AAGAB: variants seen among roughly 807,000 people sequenced by gnomAD.
AAGAB encodes the protein alpha and gamma adaptin binding protein, also known as alpha- and gamma-adaptin-binding protein p34.
Under a neutral mutation model 44.1 loss-of-function variants are expected in AAGAB, and 38 were observed. That is an observed-to-expected ratio of 0.86 (90% CI 0.67 to 1.13). The LOEUF (loss-of-function observed/expected upper bound fraction) is 1.13, where lower values mean the gene tolerates loss of function less well. Ranked by LOEUF, AAGAB falls within the 50% of genes most tolerant of loss-of-function variation. The pLI is 0.00. For missense variants in AAGAB, 450 were observed against 373.8 expected (o/e 1.20, Z -1.68); for synonymous variants, 131 against 131.8 (o/e 0.99, Z 0.04).
At chr15:67,215,134 T>C (rs755058086) in intron 5 of AAGAB, among the ~76,000 whole-genome samples, 1 of 152,222 alleles carries the variant, frequency 6.6e-6, no homozygotes. Context: ...TTGTCCTTAC[T>C]ATTCAAGTGG....
chr15:67,232,777 G>A (rs1964370964), intron 4 of AAGAB: 2 of 221,592 alleles, frequency 9.0e-6, no homozygotes, highest in African/African-American at 4.6e-5. Context: ...TGTAAGAACG[G>A]CATGAAGAAG....
chr15:67,223,591 A>C (rs1964133585), intron 5 of AAGAB, among the ~76,000 whole-genome samples: 1 of 152,074 alleles, frequency 6.6e-6, no homozygotes, highest in Non-Finnish European at 1.5e-5. Context: ...ACTCTCTTTC[A>C]TTTGGAATAT....
intron 1 of AAGAB, among the ~76,000 whole-genome samples, chr15:67,249,861 ACCTT>A (rs1243373592): frequency 6.6e-6 from 1 of 152,214 alleles, no homozygotes; most frequent in Non-Finnish European, 1.5e-5. Flanking sequence ...GACACAACCT[ACCTT>A]CACAGGGATA....
intron 5 of AAGAB, among the ~76,000 whole-genome samples, chr15:67,221,732 A>G (rs1471841188): frequency 6.6e-6 from 1 of 152,202 alleles, no homozygotes; most frequent in Non-Finnish European, 1.5e-5. Context: ...AATCATTCCT[A>G]AAATCTCTGA....
chr15:67,213,348 A>AT (rs568469620), intron 5 of AAGAB, among the ~76,000 whole-genome samples: 16 of 152,180 alleles, frequency 1.1e-4, no homozygotes, highest in South Asian at 4.1e-4. Flanking sequence ...CCTTGGGATG[A>AT]TTTTTTTTAA....
rs1011806051 is a variant in AAGAB at position 67,240,170 on chromosome 15, G to A, written c.74-3350C>T. Reference sequence around the variant, plus strand: ...CCAGAATAGGGGCACAATTATATACGGATCTGCAGCACAATTAACCCATCA... The same window carrying A: ...CCAGAATAGGGGCACAATTATATACAGATCTGCAGCACAATTAACCCATCA... On this transcript the variant is annotated intron_variant, in intron 1 of 9. Transcript: ENST00000261880. Among the ~76,000 whole-genome samples, 4 of 152,158 alleles carry A rather than the reference G, an allele frequency of 2.6e-5. No homozygotes were observed. The East Asian group carries it at 5.8e-4, about 22-fold the overall frequency.
rs1963615215 is a variant in AAGAB, at chr15:67,203,528, T to C, written c.870+20A>G. The C allele has an allele frequency of 6.2e-7, 1 of 1,610,842 alleles. No homozygotes were observed. The highest frequency in any genetic ancestry group is 8.5e-7 in the Non-Finnish European group (1 of 1,177,774). On this transcript the variant is annotated intron_variant, in intron 9 of 9. Transcript: ENST00000261880. ...GGACCTTTTATAGGTATTCAATAAA[T>C]ACCTGGCTGATTGTCTCACCTTTTC...
At chr15:67,204,345 A>G (rs1233139405) in intron 7 of AAGAB, among the ~76,000 whole-genome samples, 197 bp from the exon 8 acceptor site, 1 of 152,120 alleles carries the variant, frequency 6.6e-6, no homozygotes, top group Non-Finnish European at 1.5e-5. Context: ...TTTTATCCTC[A>G]CAACATCGTC....
chr15:67,210,454 T>A (rs867850967), intron 5 of AAGAB, among the ~76,000 whole-genome samples: 1 of 150,720 alleles, frequency 6.6e-6, no homozygotes, highest in African/African-American at 2.4e-5. Context: ...AGGCAGAGGT[T>A]GCAGTGATCT....
intron 1 of AAGAB, among the ~76,000 whole-genome samples, chr15:67,238,840 C>T (rs1416074082): frequency 6.6e-6 from 1 of 152,094 alleles, no homozygotes; most frequent in Admixed American, 6.5e-5. Flanking sequence ...GGACTACAGG[C>T]ACCCGCCACC....
chr15:67,252,677 G>T (rs60507900), intron 1 of AAGAB, among the ~76,000 whole-genome samples: 1 of 152,164 alleles, frequency 6.6e-6, no homozygotes, highest in African/African-American at 2.4e-5. Flanking sequence ...AAAGAAGGAA[G>T]AAAGGAGGGA....
chr15:67,224,331 C>T (rs1002915055), intron 5 of AAGAB, among the ~76,000 whole-genome samples: 3 of 152,178 alleles, frequency 2.0e-5, no homozygotes, highest in Non-Finnish European at 2.9e-5. Context: ...GGCCCAGATA[C>T]ACTCAGCACC....
chr15:67,231,172 A>G (rs1481884312), intron 5 of AAGAB, among the ~76,000 whole-genome samples: 1 of 152,076 alleles, frequency 6.6e-6, no homozygotes, highest in African/African-American at 2.4e-5. Context: ...CCCAAGTAGC[A>G]GGGACCACAG....
chr15:67,238,976 T>C (rs1371686813), intron 1 of AAGAB, among the ~76,000 whole-genome samples: 1 of 152,180 alleles, frequency 6.6e-6, no homozygotes, highest in South Asian at 2.1e-4. Flanking sequence ...ATTACAGGCA[T>C]GAGCCACCAT....
At chr15:67,249,021 A>C (rs1360033549) in intron 1 of AAGAB, among the ~76,000 whole-genome samples, 6 of 152,226 alleles carry the variant, frequency 3.9e-5, no homozygotes, top group Admixed American at 2.0e-4. Flanking sequence ...CATAAAAATA[A>C]GTAACATAAT....
At chr15:67,252,417 T>C (rs1396930911) in intron 1 of AAGAB, among the ~76,000 whole-genome samples, 1 of 152,212 alleles carries the variant, frequency 6.6e-6, no homozygotes, top group Non-Finnish European at 1.5e-5. Context: ...TAATTTTTGA[T>C]AAATCTGAGG....
intron 1 of AAGAB, among the ~76,000 whole-genome samples, chr15:67,247,170 G>A (rs1964746638): frequency 6.6e-6 from 1 of 152,104 alleles, no homozygotes; most frequent in Non-Finnish European, 1.5e-5. Context: ...CCTGAAGTCA[G>A]CGAGACCACG....
intron 1 of AAGAB, among the ~76,000 whole-genome samples, chr15:67,244,863 C>G (rs1596015570): frequency 6.6e-6 from 1 of 151,070 alleles, no homozygotes; most frequent in East Asian, 1.9e-4. Flanking sequence ...AGACATTTCA[C>G]CAAAGAAGAT....
At chr15:67,237,300 G>A (rs536947434) in intron 1 of AAGAB, among the ~76,000 whole-genome samples, 1 of 152,278 alleles carries the variant, frequency 6.6e-6, no homozygotes, top group Admixed American at 6.5e-5. Flanking sequence ...TTCTTGGACT[G>A]AATGCTTAGA....
Sources: allele counts gnomAD v4.1 joint callset (sites outside exome capture counted in the v4.1 genomes callset), GRCh38; gene constraint gnomAD v4.1.1; transcripts MANE v1.5; gene names NCBI Gene and HGNC (gene_info 2026-07-23, HGNC 2026-07-21).